Variants in TMEM242 observed in about 807,000 individuals in gnomAD.
TMEM242 encodes transmembrane protein 242, also known as UPF0463 transmembrane protein C6orf35.
TMEM242 carries 10 observed loss-of-function variants against 18.2 expected under a neutral mutation model. That is an observed-to-expected ratio of 0.55 (90% CI 0.34 to 0.93). The LOEUF (loss-of-function observed/expected upper bound fraction) is 0.93. Ranked by LOEUF, TMEM242 falls within the 40% of genes least tolerant of loss-of-function variation. The pLI is 0.02. For missense variants in TMEM242, 186 were observed against 175.5 expected (o/e 1.06, Z -0.34); for synonymous variants, 57 against 69.9 (o/e 0.81, Z 0.92).
chr6:157,295,017 T>C (rs1386299550), intron 3 of TMEM242, among the ~76,000 whole-genome samples: 3 of 152,260 alleles, frequency 2.0e-5, no homozygotes, highest in Non-Finnish European at 4.4e-5. Flanking sequence ...CAATATACAT[T>C]AGCTATTATC....
chr6:157,316,253 C>T (rs1414857242), intron 3 of TMEM242, among the ~76,000 whole-genome samples: 1 of 152,172 alleles, frequency 6.6e-6, no homozygotes, highest in African/African-American at 2.4e-5. Context: ...TCTGAAGATT[C>T]AGACCTGGGT....
intron 3 of TMEM242, among the ~76,000 whole-genome samples, chr6:157,313,338 G>A (rs1554249709): frequency 6.6e-6 from 1 of 151,190 alleles, no homozygotes; most frequent in African/African-American, 2.4e-5. Flanking sequence ...CCTCATCATA[G>A]TGCCCCAGTG....
intron 3 of TMEM242, among the ~76,000 whole-genome samples, chr6:157,310,281 A>C (rs1777981322): frequency 6.7e-6 from 1 of 148,350 alleles, no homozygotes. Context: ...ATTGCCACTT[A>C]GTACAAGAGT....
Position 157,305,784 on chromosome 6 carries a change from AG to A in TMEM242, c.328-12786del, listed in dbSNP as rs1222011178. Reference sequence around the variant, plus strand: ...TCCATTGTGCCCAAATGTTGCTGGGAGGGCAAGTAACAGAGGATAAAGTAAG... The same window carrying A: ...TCCATTGTGCCCAAATGTTGCTGGGAGGCAAGTAACAGAGGATAAAGTAAG... On this transcript the variant is annotated intron_variant, in intron 3 of 3. Coordinates refer to ENST00000400788, the MANE Select transcript of TMEM242 (RefSeq NM_018452.6). The surrounding 1 kb of genome is among the most constrained non-coding windows in gnomAD (Gnocchi z 4.1). 4.6e-5 allele frequency among the ~76,000 whole-genome samples: 7 copies of A among 152,102 alleles called. No homozygotes were observed. The highest frequency in any genetic ancestry group is 7.3e-5 in the Non-Finnish European group (5 of 68,030).
rs75670745 is a variant in TMEM242, at chr6:157,305,767, GC to G, written c.328-12769del. ...CAGGATGGAGGGGGGGCTCCATTGT[GC>G]CCAAATGTTGCTGGGAGGGCAAGTA... On this transcript the variant is annotated intron_variant, in intron 3 of 3. Transcript: ENST00000400788. The surrounding 1 kb of genome is among the most constrained non-coding windows in gnomAD (Gnocchi z 4.1). Among the ~76,000 whole-genome samples, 95,454 of 151,876 alleles carry G rather than the reference GC, an allele frequency of 0.63. 30,681 individuals are homozygous for G. The highest frequency in any genetic ancestry group is 0.96 in the East Asian group (4,964 of 5,160).
chr6:157,293,428 T>C (rs1777710183), intron 3 of TMEM242, among the ~76,000 whole-genome samples: 1 of 152,094 alleles, frequency 6.6e-6, no homozygotes, highest in South Asian at 2.1e-4. Context: ...AACCGTCAAC[T>C]CTCCATAATA....
chr6:157,296,404 G>A (rs2128412818), intron 3 of TMEM242, among the ~76,000 whole-genome samples: 1 of 152,294 alleles, frequency 6.6e-6, no homozygotes, highest in Middle Eastern at 3.4e-3. Context: ...ACTAAGACAT[G>A]AGTGGAGTGT....
In TMEM242 at chr6:157,293,648, A is replaced by C. The variant is rs372863650; in HGVS notation, c.328-649T>G. Among the ~76,000 whole-genome samples, 32 of 151,958 alleles carry C rather than the reference A, an allele frequency of 2.1e-4. 1 individual carries two copies. The East Asian group carries it at 2.9e-3, about 14-fold the overall frequency. On this transcript the variant is annotated intron_variant, in intron 3 of 3. Transcript: ENST00000400788. ...ATAAACTGGAATGTTCTTATGTGCA[A>C]GACAGTGGTTTTTTTTTTGTTTTTG...
At chr6:157,321,607 T>C (rs1554250744) in intron 2 of TMEM242, among the ~76,000 whole-genome samples, 1 of 152,128 alleles carries the variant, frequency 6.6e-6, no homozygotes, top group Non-Finnish European at 1.5e-5. Context: ...ATCAGCAGGG[T>C]TCTGTGGACT....
chr6:157,312,075 G>T (rs1276135342), intron 3 of TMEM242, among the ~76,000 whole-genome samples: 2 of 15,888 alleles, frequency 1.3e-4, no homozygotes, highest in Non-Finnish European at 2.6e-4. Flanking sequence ...CGCTCACCTA[G>T]CCTCAACATA....
rs185691120 is a variant in TMEM242 at position 157,323,438 on chromosome 6, G to A, written c.62C>T (p.Thr21Met). Reference sequence around the variant, plus strand: ...TTTAACCAGGAAAAGCCGGTCATTCGTGGACCCCGGAGCCTCCAGCCCAGA... The same window carrying A: ...TTTAACCAGGAAAAGCCGGTCATTCATGGACCCCGGAGCCTCCAGCCCAGA... ...PASGLEAPGS[T>M]NDRLFLVKGG... is the part of the protein sequence containing the mutation. Residue 21 changes from threonine to methionine, a missense_variant, in exon 1 of 4, where the codon ACG (threonine) becomes ATG (methionine). By Grantham distance (81) the Thr-to-Met change is moderately conservative (BLOSUM62 -1). Transcript: ENST00000400788. 2 of 1,614,104 alleles carry A rather than the reference G, an allele frequency of 1.2e-6. No individual in the cohort carries two copies. The highest frequency in any genetic ancestry group is 1.7e-6 in the Non-Finnish European group (2 of 1,179,974).
chr6:157,300,420 A>T (rs1777814306), intron 3 of TMEM242, among the ~76,000 whole-genome samples: 2 of 152,260 alleles, frequency 1.3e-5, no homozygotes, highest in Admixed American at 1.3e-4. Context: ...GTTAACCCAG[A>T]TCCCCGGAAT....
chr6:157,298,831 G>T (rs1234848842), intron 3 of TMEM242, among the ~76,000 whole-genome samples: 1 of 151,990 alleles, frequency 6.6e-6, no homozygotes, highest in African/African-American at 2.4e-5. Context: ...CTACATCAGG[G>T]GTACCAAAAA....
intron 3 of TMEM242, chr6:157,299,122 G>GATTTAT: frequency 1.1e-5 from 1 of 89,264 alleles, no homozygotes; most frequent in South Asian, 1.8e-4. Flanking sequence ...TCAGGGGTCA[G>GATTTAT]CTTTCCCAGG....
intron 3 of TMEM242, among the ~76,000 whole-genome samples, chr6:157,309,963 C>A (rs1399774658): frequency 6.6e-6 from 1 of 152,122 alleles, no homozygotes; most frequent in Admixed American, 6.5e-5. Flanking sequence ...TTCTGCCAGT[C>A]CTTTGAGATA....
Position 157,291,929 on chromosome 6 carries a change from T to C in TMEM242, c.*972A>G, listed in dbSNP as rs1777689087. 1 of 152,202 alleles carries C rather than the reference T, an allele frequency of 6.6e-6. No individual in the cohort carries two copies. 9.4% of individuals were successfully genotyped at this position (152,202 alleles called of 1,614,324 possible). A position where few individuals can be genotyped will look rare whatever the true frequency, so the allele number is the denominator to read the frequency against. ...TTCTTGAAAATATTTTAAAATACAATTGCAGTAAAAACAATTGCATGTAGA... is the reference window on the plus strand; with the variant it reads ...TTCTTGAAAATATTTTAAAATACAACTGCAGTAAAAACAATTGCATGTAGA... On this transcript the variant is annotated 3_prime_UTR_variant, in exon 4 of 4. Coordinates refer to ENST00000400788, the MANE Select transcript of TMEM242 (RefSeq NM_018452.6).
At chr6:157,300,018 C>A (rs1777805837) in intron 3 of TMEM242, 3 of 1,108,366 alleles carry the variant, frequency 2.7e-6, no homozygotes, top group African/African-American at 1.5e-5. Context: ...AAGAGCCAGG[C>A]GCCCTTGAGC....
intron 3 of TMEM242, among the ~76,000 whole-genome samples, chr6:157,317,543 G>GT (rs1203688194): frequency 1.3e-5 from 2 of 152,130 alleles, no homozygotes; most frequent in Admixed American, 1.3e-4. Flanking sequence ...GCCTTGGTGA[G>GT]TTAATCTAGT....
At chr6:157,319,607 C>T (rs1379363963) in intron 2 of TMEM242, among the ~76,000 whole-genome samples, 2 of 152,206 alleles carry the variant, frequency 1.3e-5, no homozygotes, top group African/African-American at 2.4e-5. Context: ...AGTTGTTTTG[C>T]ATGACACACA....
Sources: allele counts gnomAD v4.1 joint callset (sites outside exome capture counted in the v4.1 genomes callset), GRCh38; gene constraint gnomAD v4.1.1; non-coding constraint Gnocchi (gnomAD v3.1); transcripts MANE v1.5; gene names NCBI Gene and HGNC (gene_info 2026-07-23, HGNC 2026-07-21).